Variants in CLEC3A observed in about 807,000 individuals in gnomAD.
CLEC3A encodes the protein C-type (calcium dependent, carbohydrate-recognition domain) lectin, superfamily member 1 (cartilage-derived).
CLEC3A carries 28 observed loss-of-function variants against 20.4 expected under a neutral mutation model. That is an observed-to-expected ratio of 1.37 (90% CI 1.02 to 1.88). CLEC3A has a LOEUF of 1.88. Ranked by LOEUF, CLEC3A falls within the 40% of genes most tolerant of loss-of-function variation. The pLI is 0.00. For synonymous variants in CLEC3A, 110 were observed against 88.1 expected, an observed-to-expected ratio of 1.25 and a Z score of -1.39; for missense variants, 357 against 240.4, an observed-to-expected ratio of 1.48 and a Z score of -3.21.
At chr16:78,024,067 T>A (rs528442732) in intron 1 of CLEC3A, among the ~76,000 whole-genome samples, 2 of 152,308 alleles carry the variant, frequency 1.3e-5, no homozygotes, top group South Asian at 4.1e-4. Flanking sequence ...AGTGCAAGGT[T>A]TCTTAAGTGG....
rs144023997 is a variant in CLEC3A at position 78,030,863 on chromosome 16, C to T, written c.*22C>T. 1.0e-4 allele frequency: 162 copies of T among 1,579,326 alleles called. 1 individual carries two copies. The African/African-American group carries it at 1.8e-3, about 18-fold the overall frequency. On this transcript the variant is annotated 3_prime_UTR_variant, in exon 3 of 3. Coordinates refer to ENST00000299642, the MANE Select transcript of CLEC3A (RefSeq NM_005752.6). ...ATAGGTCTTTCTCCAATGTGTCCTC[C>T]AAGCAAGATTCATCATAACTTATAG...
At chr16:78,028,080 C>G (rs188623832) in intron 1 of CLEC3A, 27 bp from the exon 2 acceptor site, 1 of 1,488,074 alleles carries the variant, frequency 6.7e-7, no homozygotes, top group South Asian at 1.1e-5. Context: ...ATCCACCTAC[C>G]CCATCCCACC....
chr16:78,024,631 C>A (rs900277994), intron 1 of CLEC3A, among the ~76,000 whole-genome samples: 2 of 152,118 alleles, frequency 1.3e-5, no homozygotes, highest in East Asian at 3.9e-4. Flanking sequence ...AAGCAATAAA[C>A]CTAAACCGAT....
At chr16:78,029,537 T>C (rs111384492) in intron 2 of CLEC3A, among the ~76,000 whole-genome samples, 5,284 of 152,096 alleles carry the variant, frequency 0.035, 111 homozygotes, top group Middle Eastern at 0.065. Flanking sequence ...TCCAGCTAAT[T>C]TTTTGTATTT....
At chr16:78,026,740 C>G (rs2029934247) in intron 1 of CLEC3A, among the ~76,000 whole-genome samples, 2 of 152,190 alleles carry the variant, frequency 1.3e-5, no homozygotes, top group Admixed American at 6.5e-5. Context: ...CTTATTACAC[C>G]TGAAATTTCA....
chr16:78,030,086 G>A, intron 2 of CLEC3A, among the ~76,000 whole-genome samples: 1 of 148,090 alleles, frequency 6.8e-6, no homozygotes, highest in Non-Finnish European at 1.5e-5. Context: ...CCGGGAGGCG[G>A]AGCTTGCAGT....
At chr16:78,029,207 C>T in intron 2 of CLEC3A, 1 of 447,904 alleles carries the variant, frequency 2.2e-6, no homozygotes, top group Non-Finnish European at 4.5e-6. Context: ...GACCTAAACC[C>T]AGGCACTATG....
chr16:78,029,052 T>C (rs2030008256), intron 2 of CLEC3A: 5 of 448,708 alleles, frequency 1.1e-5, no homozygotes, highest in South Asian at 6.4e-5. Context: ...AGTCAGGTAC[T>C]AGAAATTCTT....
chr16:78,024,107 T>G (rs1046404673), intron 1 of CLEC3A, among the ~76,000 whole-genome samples: 17 of 152,206 alleles, frequency 1.1e-4, no homozygotes, highest in African/African-American at 3.6e-4. Context: ...ATACTGTACT[T>G]CTTTCGGTGA....
chr16:78,024,327 G>T (rs1171985200), intron 1 of CLEC3A, among the ~76,000 whole-genome samples: 3 of 152,050 alleles, frequency 2.0e-5, no homozygotes, highest in African/African-American at 7.2e-5. Context: ...GTGCATGTGG[G>T]TGCTGTGTGG....
intron 2 of CLEC3A, among the ~76,000 whole-genome samples, chr16:78,028,911 C>G (rs374443941): frequency 1.3e-5 from 2 of 152,286 alleles, no homozygotes; most frequent in East Asian, 3.9e-4. Flanking sequence ...GTCATTTTTA[C>G]CACAAGCAAT....
intron 2 of CLEC3A, among the ~76,000 whole-genome samples, chr16:78,028,648 C>A (rs773094274): frequency 6.6e-6 from 1 of 152,226 alleles, no homozygotes; most frequent in African/African-American, 2.4e-5. Flanking sequence ...CAGCCACATG[C>A]GCTACTGCCC....
chr16:78,022,594 G>A lies in CLEC3A; in HGVS notation c.-33G>A. 2 of 1,611,834 alleles carry A rather than the reference G, an allele frequency of 1.2e-6. No individual in the cohort carries two copies. The highest frequency in any genetic ancestry group is 1.7e-6 in the Non-Finnish European group (2 of 1,178,946). On this transcript the variant is annotated 5_prime_UTR_variant, in exon 1 of 3. Coordinates refer to ENST00000299642, the MANE Select transcript of CLEC3A (RefSeq NM_005752.6). ...CTTCCATAGCTGCTCTAAGGGGGCT[G>A]GCAACATGGCTCAGCAGGCTTGCCC... is the stretch of plus-strand genomic sequence containing the variant.
chr16:78,025,939 A>G (rs1180569289), intron 1 of CLEC3A, among the ~76,000 whole-genome samples: 1 of 152,174 alleles, frequency 6.6e-6, no homozygotes, highest in Non-Finnish European at 1.5e-5. Flanking sequence ...ATTTAAGGAG[A>G]ATGGAGCAGG....
Position 78,030,530 on chromosome 16 carries a change from T to A in CLEC3A, c.283T>A (p.Cys95Ser). 1 of 1,614,174 alleles carries A rather than the reference T, an allele frequency of 6.2e-7. No homozygotes were observed. The highest frequency in any genetic ancestry group is 8.5e-7 in the Non-Finnish European group (1 of 1,180,024). Residue 95 changes from cysteine (C) to serine (S), a missense_variant, in exon 3 of 3, where the codon TGC becomes AGC. Physicochemically the swap from Cys to Ser is moderately radical, Grantham distance 112. Coordinates refer to ENST00000299642, the MANE Select transcript of CLEC3A (RefSeq NM_005752.6). ...LKHFHEANED[C>S]ISKGGILVIP... ...GCATTTCCATGAGGCCAATGAAGAC[T>A]GCATTTCCAAAGGAGGAATCCTGGT...
chr16:78,023,708 A>AT (rs756170396), intron 1 of CLEC3A, among the ~76,000 whole-genome samples: 3 of 149,634 alleles, frequency 2.0e-5, no homozygotes, highest in Non-Finnish European at 4.4e-5. Context: ...ATAAAGTACC[A>AT]TTTTTTCAGG....
intron 2 of CLEC3A, 30 bp downstream of exon 2, chr16:78,028,220 C>T: frequency 4.7e-6 from 7 of 1,479,476 alleles, no homozygotes; most frequent in Non-Finnish European, 6.3e-6. Context: ...AGTGCCTTGT[C>T]CCAAAGGAGA....
chr16:78,028,703 G>A (rs1269869387), intron 2 of CLEC3A, among the ~76,000 whole-genome samples: 1 of 152,234 alleles, frequency 6.6e-6, no homozygotes, highest in Non-Finnish European at 1.5e-5. Flanking sequence ...ATGTGGGCAG[G>A]TTTGGGAACA....
intron 1 of CLEC3A, among the ~76,000 whole-genome samples, chr16:78,026,215 A>G (rs777160231): frequency 1.3e-5 from 2 of 152,218 alleles, no homozygotes; most frequent in Non-Finnish European, 2.9e-5. Flanking sequence ...ATATTCCAGA[A>G]GACAGCTTCC....
Sources: gnomAD v4.1 joint callset for allele counts (sites outside exome capture counted in the v4.1 genomes callset) on GRCh38, gnomAD v4.1.1 for gene constraint, MANE v1.5 for transcripts, NCBI Gene and HGNC (gene_info 2026-07-23, HGNC 2026-07-21) for gene names.